Variants in SDHD observed in about 807,000 individuals in gnomAD.
The protein encoded by SDHD is succinate dehydrogenase [ubiquinone] cytochrome b small subunit, mitochondrial.
Under a neutral mutation model 18.7 loss-of-function variants are expected in SDHD, and 6 were observed. The observed-to-expected ratio is 0.32, with a 90% confidence interval of 0.18 to 0.63. The LOEUF is 0.63. SDHD is among the 30% of genes least tolerant of loss of function. SDHD has a pLI of 0.79. For synonymous variants in SDHD, 56 were observed against 73.9 expected (o/e 0.76, Z 1.24); for missense variants, 160 against 192.7 (o/e 0.83, Z 1.00).
intron 2 of SDHD, chr11:112,088,512 G>A (rs796470374): frequency 7.1e-5 from 26 of 365,536 alleles, no homozygotes; most frequent in African/African-American, 5.3e-4. Flanking sequence ...CACCACGCCT[G>A]GACCACTAAC....
Position 112,095,291 on chromosome 11 carries a change from A to G in SDHD, c.*321A>G. ...TTATCAATCTCTTAAAGAGAATCCAACTTTATTACGATTAGTATATGATCA... is the reference window on the plus strand; with the variant it reads ...TTATCAATCTCTTAAAGAGAATCCAGCTTTATTACGATTAGTATATGATCA... On this transcript the variant is annotated 3_prime_UTR_variant, in exon 4 of 4. Transcript: ENST00000375549. 2.5e-6 allele frequency: 1 copy of G among 406,976 alleles called. No homozygotes were observed. The highest frequency in any genetic ancestry group is 4.6e-6 in the Non-Finnish European group (1 of 218,198). 25.2% of individuals were successfully genotyped at this position (406,976 alleles called of 1,614,324 possible).
intron 3 of SDHD, 53 bp from the exon 4 acceptor site, chr11:112,094,752 T>C: frequency 6.5e-7 from 1 of 1,531,542 alleles, no homozygotes; most frequent in Non-Finnish European, 9.0e-7. Context: ...TGTATAGTCT[T>C]CTAATTTCAC....
Position 112,095,142 on chromosome 11 carries a change from G to A in SDHD, c.*172G>A, listed in dbSNP as rs1865818838. On this transcript the variant is annotated 3_prime_UTR_variant, in exon 4 of 4. Coordinates refer to ENST00000375549, the MANE Select transcript of SDHD (RefSeq NM_003002.4). Reference sequence around the variant, plus strand: ...TTTAATCTTTGAGGAAAAGGTTTGAGAGGAATTATATCTAAGTTGTGAGAC... The same window carrying A: ...TTTAATCTTTGAGGAAAAGGTTTGAAAGGAATTATATCTAAGTTGTGAGAC... 3.0e-6 allele frequency: 2 copies of A among 667,308 alleles called. No homozygotes were observed. The highest frequency in any genetic ancestry group is 1.7e-5 in the South Asian group (1 of 60,110). The allele number at this position is 667,308 out of a possible 1,614,324, so 41.3% of individuals were successfully genotyped here. A position where few individuals can be genotyped will look rare whatever the true frequency, so the allele number is the denominator to read the frequency against.
In SDHD at chr11:112,088,919, T is replaced by C; in HGVS notation, c.222T>C (p.Val74=). ...GGACTAGCGAGAGGGTTGTCAGTGT[T>C]TTGCTCCTGGGTCTGCTTCCGGCTG... is the stretch of plus-strand genomic sequence containing the variant. ...LHWTSERVVS[V]LLLGLLPAAY... is the part of the protein sequence containing the mutation. Residue 74 remains valine, a synonymous_variant, in exon 3 of 4, where the codon GTT becomes GTC. Transcript: ENST00000375549. The C allele has an allele frequency of 6.2e-7, 1 of 1,613,198 alleles. No individual in the cohort carries two copies. Among genetic ancestry groups the C allele is most frequent in the Non-Finnish European group, 8.5e-7 (1 of 1,179,976 alleles).
chr11:112,092,143 C>T (rs1410920530), intron 3 of SDHD, among the ~76,000 whole-genome samples: 1 of 151,968 alleles, frequency 6.6e-6, no homozygotes, highest in Admixed American at 6.6e-5. Context: ...GCACGCGGAG[C>T]TTAAACCCTA....
chr11:112,089,184 A>C (rs1007556620), intron 3 of SDHD, 173 bp downstream of exon 3: 2 of 655,624 alleles, frequency 3.1e-6, no homozygotes, highest in East Asian at 2.8e-5. Context: ...TGCCTATTCA[A>C]TGTCTTTCAA....
At chr11:112,094,664 G>A in intron 3 of SDHD, 141 bp from the exon 4 acceptor site, 2 of 718,840 alleles carry the variant, frequency 2.8e-6, no homozygotes, top group Non-Finnish European at 4.8e-6. Flanking sequence ...CCCTAAAGAA[G>A]CAAACAGTGA....
chr11:112,088,531 A>G, intron 2 of SDHD: 1 of 380,122 alleles, frequency 2.6e-6, no homozygotes, highest in Middle Eastern at 9.0e-4. Flanking sequence ...ACTTACATTC[A>G]TAAGGTGTCT....
chr11:112,090,360 T>C (rs770919991), intron 3 of SDHD, among the ~76,000 whole-genome samples: 1 of 151,978 alleles, frequency 6.6e-6, no homozygotes, highest in Non-Finnish European at 1.5e-5. Context: ...ATCTGCCCGC[T>C]TCAGCCTCCT....
rs566673320 is a variant in SDHD at position 112,088,065 on chromosome 11, G to A, written c.169+92G>A. 9 of 904,294 alleles carry A rather than the reference G, an allele frequency of 1.0e-5. No homozygotes were observed. The African/African-American group carries it at 1.3e-4, about 13-fold the overall frequency. 56.0% of individuals were successfully genotyped at this position (904,294 alleles called of 1,614,324 possible). Reference sequence around the variant, plus strand: ...CTTTAGCAGGACTTCCTACCTGTAGGGGGGACTCTTGTGTCCAACTTTGTC... The same window carrying A: ...CTTTAGCAGGACTTCCTACCTGTAGAGGGGACTCTTGTGTCCAACTTTGTC... On this transcript the variant is annotated intron_variant, in intron 2 of 3. Transcript: ENST00000375549.
chr11:112,088,381 G>A, intron 2 of SDHD: 1 of 339,732 alleles, frequency 2.9e-6, no homozygotes, highest in South Asian at 2.4e-5. Flanking sequence ...TGTACTTTTA[G>A]TAGAGACGGG....
chr11:112,095,412 G>A lies in SDHD; in HGVS notation c.*442G>A, dbSNP rs889587088. 1.7e-5 allele frequency: 5 copies of A among 289,010 alleles called. No homozygotes were observed. Among genetic ancestry groups the A allele is most frequent in the Middle Eastern group, 2.1e-3 (2 of 950 alleles). 17.9% of individuals were successfully genotyped at this position (289,010 alleles called of 1,614,324 possible). ...GAAAATTAGACAGTGTTTAATTTTCGAAAACTTCCCTCTCTAGACAGTAGA... is the reference window on the plus strand; with the variant it reads ...GAAAATTAGACAGTGTTTAATTTTCAAAAACTTCCCTCTCTAGACAGTAGA... On this transcript the variant is annotated 3_prime_UTR_variant, in exon 4 of 4. Transcript: ENST00000375549.
At chr11:112,092,464 A>G (rs1000200403) in intron 3 of SDHD, among the ~76,000 whole-genome samples, 2 of 152,162 alleles carry the variant, frequency 1.3e-5, no homozygotes, top group African/African-American at 4.8e-5. Flanking sequence ...TTTAAAACGT[A>G]AAATTATATT....
chr11:112,090,677 T>C (rs1405414225), intron 3 of SDHD, among the ~76,000 whole-genome samples: 3 of 152,078 alleles, frequency 2.0e-5, no homozygotes, highest in Admixed American at 2.0e-4. Context: ...AGAATCATTT[T>C]CTAGCTAGTG....
rs201102587 is a variant in SDHD, at chr11:112,095,005, T to A, written c.*35T>A. On this transcript the variant is annotated 3_prime_UTR_variant, in exon 4 of 4. Transcript: ENST00000375549. ...CTTCATACTTTGAAGAATTGATGTA[T>A]GCCTCTTTGCCTCTGCTTTGTCATG... 1 of 1,569,792 alleles carries A rather than the reference T, an allele frequency of 6.4e-7. No individual in the cohort carries two copies. Among genetic ancestry groups the A allele is most frequent in the Non-Finnish European group, 8.8e-7 (1 of 1,142,076 alleles).
rs878854593 is a variant in SDHD, at chr11:112,086,949, A to G, written c.42A>G (p.Leu14=). ...GGCTGAGTGCCGTTTGCGGTGCCCT[A>G]GGAGGCCGAGGTGAGGGGTCTTCCC... is the stretch of plus-strand genomic sequence containing the variant. ...LWRLSAVCGA[L]GGRALLLRTP... is the part of the protein sequence containing the mutation. The change falls in exon 1 of 4, where the codon CTA becomes CTG. Residue 14 remains leucine, a synonymous_variant. Coordinates refer to ENST00000375549, the MANE Select transcript of SDHD (RefSeq NM_003002.4). The G allele has an allele frequency of 1.2e-6, 2 of 1,614,092 alleles. No individual in the cohort carries two copies. The highest frequency in any genetic ancestry group is 2.2e-5 in the South Asian group (2 of 91,088).
At position 112,095,248 on chromosome 11, in the gene SDHD, C is replaced by G; in HGVS notation, c.*278C>G. ...CACAGTATAACTAAACATGATATAT[C>G]AGCTTTTGCCTTTCAATTTATCAAT... On this transcript the variant is annotated 3_prime_UTR_variant, in exon 4 of 4. Transcript: ENST00000375549. 2.2e-6 allele frequency: 1 copy of G among 462,396 alleles called. No individual in the cohort carries two copies. Among genetic ancestry groups the G allele is most frequent in the Non-Finnish European group, 4.0e-6 (1 of 251,492 alleles). The allele number at this position is 462,396 out of a possible 1,614,324, so 28.6% of individuals were successfully genotyped here.
chr11:112,089,756 A>G lies in SDHD; in HGVS notation c.314+745A>G, dbSNP rs1275061696. Among the ~76,000 whole-genome samples the G allele has an allele frequency of 2.6e-5, 4 of 151,694 alleles. No homozygotes were observed. The East Asian group carries it at 5.8e-4, about 22-fold the overall frequency. On this transcript the variant is annotated intron_variant, in intron 3 of 3. Transcript: ENST00000375549. ...TCTCTCAACAAAGCCTTCCCTAACC[A>G]CTTATTCAAAATTGCAGTTTCTGTC...
intron 1 of SDHD, among the ~76,000 whole-genome samples, chr11:112,087,492 C>T (rs1865638456): frequency 1.3e-5 from 2 of 152,086 alleles, no homozygotes; most frequent in South Asian, 4.1e-4. Context: ...CATAGTAGTC[C>T]GGGCAAGATG....
Sources: gnomAD v4.1 joint callset for allele counts (sites outside exome capture counted in the v4.1 genomes callset) on GRCh38, gnomAD v4.1.1 for gene constraint, MANE v1.5 for transcripts, NCBI Gene and HGNC (gene_info 2026-07-23, HGNC 2026-07-21) for gene names.